The following CDK5RAP2 variants were observed in gnomAD, a reference collection of about 807,000 sequenced individuals.
The protein encoded by CDK5RAP2 is CDK5 regulatory subunit-associated protein 2.
CDK5RAP2 carries 147 observed loss-of-function variants against 232.9 expected under a neutral mutation model. That is an observed-to-expected ratio of 0.63 (90% CI 0.55 to 0.72). CDK5RAP2 has a LOEUF of 0.72. Ranked by LOEUF, CDK5RAP2 falls within the 30% of genes least tolerant of loss-of-function variation. The pLI is 0.00. For missense variants in CDK5RAP2, 2,195 were observed against 2,231.5 expected (o/e 0.98, Z 0.33); for synonymous variants, 833 against 833.7 (o/e 1.00, Z 0.01).
rs1160359995 is a variant in CDK5RAP2, at chr9:120,579,906, T to A, written c.59+14A>T. ...CCGGCCCGGTTACCACGACCACCAA[T>A]GCCCCGGCCGCACCTGCAGCCGCTG... On this transcript the variant is annotated intron_variant, in intron 1 of 37. Transcript: ENST00000349780. The A allele has an allele frequency of 2.5e-6, 4 of 1,608,840 alleles. No individual in the cohort carries two copies. Among genetic ancestry groups the A allele is most frequent in the Non-Finnish European group, 3.4e-6 (4 of 1,175,344 alleles).
chr9:120,415,116 C>A lies in CDK5RAP2; in HGVS notation c.4221G>T (p.Lys1407Asn). 1 of 1,614,142 alleles carries A rather than the reference C, an allele frequency of 6.2e-7. No individual in the cohort carries two copies. Among genetic ancestry groups the A allele is most frequent in the Non-Finnish European group, 8.5e-7 (1 of 1,179,960 alleles). ...EHIQEIRTLRKRLEESIKTNE... is the reference protein window; with the variant it reads ...EHIQEIRTLRNRLEESIKTNE... ...TTGTTTTAATAGATTCTTCTAAACG[C>A]TTTCTCAAAGTTCGAATTTCCTGTA... Residue 1407 changes from lysine (K) to asparagine (N), a missense_variant, in exon 28 of 38, where the codon AAG (lysine) becomes AAT (asparagine). Transcript: ENST00000349780.
chr9:120,566,344 A>G (rs542685313), intron 3 of CDK5RAP2, among the ~76,000 whole-genome samples: 19 of 152,332 alleles, frequency 1.2e-4, no homozygotes, highest in South Asian at 4.1e-4. Flanking sequence ...AAATGCTACA[A>G]TAAAAAATAT....
intron 35 of CDK5RAP2, among the ~76,000 whole-genome samples, chr9:120,397,730 T>A (rs1337269734): frequency 6.6e-6 from 1 of 152,138 alleles, no homozygotes; most frequent in Non-Finnish European, 1.5e-5. Flanking sequence ...GCAAATAAGA[T>A]CCATGTTTTG....
chr9:120,504,611 T>C (rs771172149), intron 12 of CDK5RAP2, among the ~76,000 whole-genome samples: 12 of 152,288 alleles, frequency 7.9e-5, no homozygotes, highest in Non-Finnish European at 1.0e-4. Flanking sequence ...CTAAACCACA[T>C]GTAGACCTCT....
At chr9:120,488,739 C>T (rs141182159) in intron 13 of CDK5RAP2, among the ~76,000 whole-genome samples, 5 of 152,320 alleles carry the variant, frequency 3.3e-5, no homozygotes, top group African/African-American at 1.2e-4. Context: ...ACATTATAGC[C>T]ACGCAGATAC....
chr9:120,477,096 A>G (rs1439033446), intron 15 of CDK5RAP2, among the ~76,000 whole-genome samples: 3 of 152,236 alleles, frequency 2.0e-5, no homozygotes, highest in African/African-American at 7.2e-5. Flanking sequence ...TATTTTTAAA[A>G]CCTGAGTAAT....
At chr9:120,569,786 AAC>A (rs1342048635) in intron 2 of CDK5RAP2, among the ~76,000 whole-genome samples, 4 of 152,278 alleles carry the variant, frequency 2.6e-5, no homozygotes, top group East Asian at 3.9e-4. Flanking sequence ...CCTTTCTGAG[AAC>A]AGACTGTAAG....
At chr9:120,568,710 ATCT>A (rs2042737408) in intron 2 of CDK5RAP2, among the ~76,000 whole-genome samples, 1 of 152,210 alleles carries the variant, frequency 6.6e-6, no homozygotes, top group African/African-American at 2.4e-5. Flanking sequence ...ACAGAGTGTC[ATCT>A]TCTCACGTCA....
At chr9:120,536,932 A>C (rs1178690100) in intron 6 of CDK5RAP2, among the ~76,000 whole-genome samples, 1 of 151,886 alleles carries the variant, frequency 6.6e-6, no homozygotes, top group Non-Finnish European at 1.5e-5. Context: ...TAATGACTGA[A>C]CAATTCTAAA....
intron 12 of CDK5RAP2, among the ~76,000 whole-genome samples, chr9:120,494,901 C>A: frequency 6.9e-6 from 1 of 144,796 alleles, no homozygotes; most frequent in African/African-American, 2.6e-5. Context: ...AGGACAGTCG[C>A]GGCGCTGACG....
intron 26 of CDK5RAP2, among the ~76,000 whole-genome samples, chr9:120,420,219 C>T (rs2034484498): frequency 6.6e-6 from 1 of 152,132 alleles, no homozygotes; most frequent in Non-Finnish European, 1.5e-5. Flanking sequence ...GGGGAGGGAC[C>T]CAAGAGGACT....
At chr9:120,538,964 A>G in intron 6 of CDK5RAP2, 77 bp downstream of exon 6, 1 of 1,509,216 alleles carries the variant, frequency 6.6e-7, no homozygotes, top group Non-Finnish European at 9.2e-7. Context: ...CGGTTTATAA[A>G]AAAAGAAACA....
Position 120,571,612 on chromosome 9 carries a change from T to TGAA in CDK5RAP2, c.127+361_127+362insTTC, listed in dbSNP as rs2042858513. The TGAA allele has an allele frequency of 1.1e-5, 4 of 353,550 alleles. No individual in the cohort carries two copies. In the Admixed American group the frequency reaches 1.2e-4, roughly 10 times the overall value. 21.9% of individuals were successfully genotyped at this position (353,550 alleles called of 1,614,324 possible). A position where few individuals can be genotyped will look rare whatever the true frequency, so the allele number is the denominator to read the frequency against. The stretch of plus-strand genomic sequence containing the variant: ...ATCCAGCAGCCTGCCAGGAAGGCCT[T>TGAA]GGCACGCTACAGTCCAGATGGCAGC... On this transcript the variant is annotated intron_variant, in intron 2 of 37. Coordinates refer to ENST00000349780, the MANE Select transcript of CDK5RAP2 (RefSeq NM_018249.6).
rs1355771658 is a variant in CDK5RAP2 at position 120,497,421 on chromosome 9, T to A, written c.1312-5944A>T. Reference sequence around the variant, plus strand: ...AGAATTATCAATAAAAAAATAAATTTAAAAAAAAAAAAAAAAAAAAAAAAA... The same window carrying A: ...AGAATTATCAATAAAAAAATAAATTAAAAAAAAAAAAAAAAAAAAAAAAAA... On this transcript the variant is annotated intron_variant, in intron 12 of 37. Coordinates refer to ENST00000349780, the MANE Select transcript of CDK5RAP2 (RefSeq NM_018249.6). Among the ~76,000 whole-genome samples the A allele has an allele frequency of 8.6e-4, 20 of 23,294 alleles. 1 individual carries two copies. Among genetic ancestry groups the A allele is most frequent in the East Asian group, 6.3e-3 (1 of 158 alleles). The allele number at this position is 23,294 out of a possible 152,430, so 15.3% of individuals were successfully genotyped here.
chr9:120,544,858 G>A (rs1362796185), intron 5 of CDK5RAP2, among the ~76,000 whole-genome samples: 1 of 152,122 alleles, frequency 6.6e-6, no homozygotes, highest in Non-Finnish European at 1.5e-5. Context: ...AGTCTCTGAT[G>A]AGCTCTTGGA....
At chr9:120,402,333 C>T (rs2131269907) in intron 34 of CDK5RAP2, among the ~76,000 whole-genome samples, 1 of 152,206 alleles carries the variant, frequency 6.6e-6, no homozygotes, top group African/African-American at 2.4e-5. Context: ...AAAACCTCAA[C>T]AAAAACAAAA....
intron 7 of CDK5RAP2, among the ~76,000 whole-genome samples, chr9:120,531,034 A>T (rs190386921): frequency 3.9e-5 from 6 of 152,156 alleles, no homozygotes; most frequent in African/African-American, 4.8e-5. Context: ...ATAAAAAAAT[A>T]AAAAACGGTG....
chr9:120,482,380 G>A (rs2038368607), intron 14 of CDK5RAP2, among the ~76,000 whole-genome samples: 2 of 152,080 alleles, frequency 1.3e-5, no homozygotes, highest in South Asian at 4.1e-4. Context: ...GAATTTTCAG[G>A]CCACCATTCT....
At chr9:120,519,909 T>C (rs1453189940) in intron 11 of CDK5RAP2, among the ~76,000 whole-genome samples, 1 of 151,728 alleles carries the variant, frequency 6.6e-6, no homozygotes, top group African/African-American at 2.4e-5. Flanking sequence ...CAAACCCAGA[T>C]TCATTTGGAG....
Sources: allele counts gnomAD v4.1 joint callset (sites outside exome capture counted in the v4.1 genomes callset), GRCh38; gene constraint gnomAD v4.1.1; transcripts MANE v1.5; gene names NCBI Gene and HGNC (gene_info 2026-07-23, HGNC 2026-07-21).